Variants in CCAR2 observed in about 807,000 individuals in gnomAD.
CCAR2 encodes cell cycle and apoptosis regulator protein 2.
CCAR2 carries 21 observed loss-of-function variants against 108.1 expected under a neutral mutation model. The ratio of observed to expected loss-of-function variants is 0.19; its 90% CI spans 0.14 to 0.28. CCAR2 has a LOEUF of 0.28. CCAR2 is among the 10% of genes least tolerant of loss of function. The pLI, the probability that CCAR2 is intolerant of heterozygous loss-of-function variation, is 1.00. For synonymous variants in CCAR2, 577 were observed against 472.8 expected, an observed-to-expected ratio of 1.22 and a Z score of -2.86; for missense variants, 1,126 against 1,177.0, an observed-to-expected ratio of 0.96 and a Z score of 0.63.
downstream of CCAR2, chr8:22,620,555 G>C (rs1801747919): frequency 1.3e-5 from 2 of 152,096 alleles, no homozygotes; most frequent in South Asian, 4.1e-4. Context: ...CTGGACCACG[G>C]TGCAGTTCGC....
At chr8:22,610,605 T>C (rs778284138) in intron 7 of CCAR2, among the ~76,000 whole-genome samples, 2 of 152,228 alleles carry the variant, frequency 1.3e-5, no homozygotes, top group Non-Finnish European at 2.9e-5. Flanking sequence ...AAACATGGGC[T>C]ACTGACATCC....
chr8:22,605,509 C>G (rs1340795125), intron 1 of CCAR2: 1 of 486,362 alleles, frequency 2.1e-6, no homozygotes, highest in Admixed American at 3.6e-5. Context: ...TGTAAAACAG[C>G]ATGACAGTAT....
intron 7 of CCAR2, among the ~76,000 whole-genome samples, chr8:22,608,440 C>T (rs75060969): frequency 0.037 from 5,581 of 152,248 alleles, 354 homozygotes; most frequent in African/African-American, 0.13. Flanking sequence ...TAGAACACTG[C>T]AGTATCTGTT....
At chr8:22,613,793 C>T (rs967627799) in intron 8 of CCAR2, 34 of 353,882 alleles carry the variant, frequency 9.6e-5, no homozygotes, top group African/African-American at 6.5e-4. Context: ...TGTCAATTTT[C>T]CGTTTTAGGC....
intron 7 of CCAR2, among the ~76,000 whole-genome samples, 199 bp downstream of exon 7, chr8:22,608,264 G>A (rs1801154483): frequency 6.6e-6 from 1 of 152,120 alleles, no homozygotes; most frequent in South Asian, 2.1e-4. Context: ...ACTGAAATGT[G>A]TATAAAAATA....
In CCAR2 at chr8:22,620,346, CCCTGTTACCCATAATTCTTG is replaced by C. The variant is rs1293001474; in HGVS notation, c.*668_*687del. On this transcript the variant is annotated 3_prime_UTR_variant, in exon 21 of 21. Coordinates refer to ENST00000308511, the MANE Select transcript of CCAR2 (RefSeq NM_001393997.1). ...GTATTGGCTCTGGCCCAGCCTTCTCCCCTGTTACCCATAATTCTTGCCTCTTTCCATAATCCGTGGTTTCA... is the reference window on the plus strand; with the variant it reads ...GTATTGGCTCTGGCCCAGCCTTCTCCCCTCTTTCCATAATCCGTGGTTTCA... 1 of 152,458 alleles carries C rather than the reference CCCTGTTACCCATAATTCTTG, an allele frequency of 6.6e-6. No homozygotes were observed. Among genetic ancestry groups the C allele is most frequent in the Non-Finnish European group, 1.5e-5 (1 of 68,024 alleles). The allele number at this position is 152,458 out of a possible 1,614,324, so 9.4% of individuals were successfully genotyped here. A position where few individuals can be genotyped will look rare whatever the true frequency, so the allele number is the denominator to read the frequency against.
intron 7 of CCAR2, among the ~76,000 whole-genome samples, chr8:22,610,170 G>T (rs1253664226): frequency 1.3e-5 from 2 of 152,194 alleles, no homozygotes; most frequent in African/African-American, 4.8e-5. Flanking sequence ...TCAGTAGAGA[G>T]AATGTGCAGA....
In CCAR2 at chr8:22,619,667, G is replaced by A. The variant is rs758979142; in HGVS notation, c.2757G>A (p.Pro919=). 1.4e-5 allele frequency: 22 copies of A among 1,575,190 alleles called. No homozygotes were observed. The highest frequency in any genetic ancestry group is 3.4e-4 in the Middle Eastern group (2 of 5,936). ...ACAGCTGGGTGGAGAAGGAGGAGCC[G>A]GCACCTAGCAACTGACGGCCTCGCA... ...KADSWVEKEE[P]APSN Residue 919 remains proline (P), a synonymous_variant, in exon 21 of 21, where the codon CCG becomes CCA. Transcript: ENST00000308511.
chr8:22,611,465 T>C (rs972854980), intron 7 of CCAR2, among the ~76,000 whole-genome samples: 1 of 151,832 alleles, frequency 6.6e-6, no homozygotes, highest in African/African-American at 2.4e-5. Context: ...TGTGTGTATA[T>C]ATATATGTAA....
At chr8:22,610,859 G>A (rs1435277575) in intron 7 of CCAR2, among the ~76,000 whole-genome samples, 1 of 152,126 alleles carries the variant, frequency 6.6e-6, no homozygotes, top group East Asian at 1.9e-4. Flanking sequence ...ATGTGACATG[G>A]GGGGTTTTCC....
chr8:22,608,875 GCTT>G lies in CCAR2; in HGVS notation c.584+815_584+817del, dbSNP rs369982493. Among the ~76,000 whole-genome samples the G allele has an allele frequency of 3.6e-3, 546 of 152,230 alleles. 2 individuals carry two copies. Among genetic ancestry groups the G allele is most frequent in the Admixed American group, 7.1e-3 (108 of 15,282 alleles). On this transcript the variant is annotated intron_variant, in intron 7 of 20. Coordinates refer to ENST00000308511, the MANE Select transcript of CCAR2 (RefSeq NM_001393997.1). Reference sequence around the variant, plus strand: ...GGAACCTTATTATACCCATTACCCAGCTTCTTCAAGTATCAGCTACCATTCTTT... The same window carrying G: ...GGAACCTTATTATACCCATTACCCAGCTTCAAGTATCAGCTACCATTCTTT...
At chr8:22,608,407 C>G (rs1433844537) in intron 7 of CCAR2, among the ~76,000 whole-genome samples, 1 of 152,208 alleles carries the variant, frequency 6.6e-6, no homozygotes, top group Admixed American at 6.5e-5. Context: ...TGGAAACTCT[C>G]AATAGTAACA....
At chr8:22,604,891 C>T (rs1405430188) in intron 1 of CCAR2, 49 bp downstream of exon 1, 4 of 426,608 alleles carry the variant, frequency 9.4e-6, no homozygotes, top group Non-Finnish European at 4.7e-6. Flanking sequence ...GCCCCTCCGC[C>T]CCTCCGCTGG....
At chr8:22,613,232 T>TA (rs1474013182) in intron 8 of CCAR2, 96 bp downstream of exon 8, 1 of 1,287,106 alleles carries the variant, frequency 7.8e-7, no homozygotes, top group Non-Finnish European at 1.0e-6. Context: ...TGTATGTTCT[T>TA]ACAGCCTTTT....
chr8:22,612,279 T>C (rs957945087), intron 7 of CCAR2, among the ~76,000 whole-genome samples: 3 of 148,060 alleles, frequency 2.0e-5, no homozygotes, highest in African/African-American at 7.5e-5. Context: ...AATTTACTTT[T>C]TTTTTTTGAG....
In CCAR2 at chr8:22,607,359, A is replaced by T. The variant is rs115218330; in HGVS notation, c.487+34A>T. The T allele has an allele frequency of 3.7e-3, 5,978 of 1,602,674 alleles. 151 individuals carry two copies. The East Asian group carries it at 0.067, about 18-fold the overall frequency. ...GAGTGGCACTGTTGTTGGGTGTGGC[A>T]TTATGGGGTAGTTTAGATCAATGGA... On this transcript the variant is annotated intron_variant, in intron 6 of 20. Transcript: ENST00000308511.
rs1045197685 is a variant in CCAR2, at chr8:22,606,254, C to T, written c.150+78C>T. ...GAGGCCTGGTGCTCTTTTTCTCTTA[C>T]ATAATAGTGTTTATCATTCCTGATC... On this transcript the variant is annotated intron_variant, in intron 3 of 20. Coordinates refer to ENST00000308511, the MANE Select transcript of CCAR2 (RefSeq NM_001393997.1). 2.4e-5 allele frequency: 29 copies of T among 1,198,864 alleles called. No individual in the cohort carries two copies. In the East Asian group the frequency reaches 6.3e-4, roughly 26 times the overall value. The allele number at this position is 1,198,864 out of a possible 1,614,324, so 74.3% of individuals were successfully genotyped here.
chr8:22,619,467 C>T (rs895957237), intron 20 of CCAR2, 112 bp downstream of exon 20: 2 of 1,430,158 alleles, frequency 1.4e-6, no homozygotes, highest in African/African-American at 1.4e-5. Flanking sequence ...CAGGCACCGG[C>T]TTCGTCTTTC....
At chr8:22,621,428 A>T (rs750509864), downstream of CCAR2, 4 of 1,612,960 alleles carry the variant, frequency 2.5e-6, no homozygotes, top group Non-Finnish European at 3.4e-6. Flanking sequence ...GGATTCAGTC[A>T]TCGGCCACAA....
Sources: allele counts gnomAD v4.1 joint callset (sites outside exome capture counted in the v4.1 genomes callset), GRCh38; gene constraint gnomAD v4.1.1; transcripts MANE v1.5; gene names NCBI Gene and HGNC (gene_info 2026-07-23, HGNC 2026-07-21).